Variants in DLG2 observed in about 807,000 individuals in gnomAD.
DLG2 encodes the protein discs large MAGUK scaffold protein 2.
In DLG2, 45 loss-of-function variants were observed where a neutral mutation model predicts 132.5. The observed-to-expected ratio is 0.34, with a 90% CI of 0.27 to 0.44. DLG2 has a LOEUF of 0.44. Among genes scored for constraint, DLG2 ranks in the 20% least tolerant of loss-of-function variants. DLG2 has a pLI of 1.00. For synonymous variants in DLG2, 424 were observed against 419.6 expected, an observed-to-expected ratio of 1.01 and a Z score of -0.13; for missense variants, 1,045 against 1,196.9, an observed-to-expected ratio of 0.87 and a Z score of 1.87.
At chr11:84,102,929 T>C (rs1351207433) in intron 9 of DLG2, among the ~76,000 whole-genome samples, 2 of 152,150 alleles carry the variant, frequency 1.3e-5, no homozygotes, top group Non-Finnish European at 2.9e-5. Flanking sequence ...TTTTCTAATA[T>C]ACATTCCCCT....
intron 21 of DLG2, among the ~76,000 whole-genome samples, chr11:83,490,342 AT>A (rs2093768997): frequency 6.6e-6 from 1 of 152,040 alleles, no homozygotes; most frequent in African/African-American, 2.4e-5. Flanking sequence ...AATTAAAAAA[AT>A]TTGAGTTCAC....
At chr11:84,061,673 T>C (rs1212501408) in intron 10 of DLG2, among the ~76,000 whole-genome samples, 1 of 152,192 alleles carries the variant, frequency 6.6e-6, no homozygotes, top group Non-Finnish European at 1.5e-5. Flanking sequence ...GTATCTGTTT[T>C]TGTGCATAAC....
At chr11:83,889,424 T>C (rs2068977042) in intron 15 of DLG2, among the ~76,000 whole-genome samples, 1 of 149,780 alleles carries the variant, frequency 6.7e-6, no homozygotes, top group African/African-American at 2.4e-5. Flanking sequence ...CTCACACCAG[T>C]TAGAATGCCA....
intron 6 of DLG2, among the ~76,000 whole-genome samples, chr11:84,916,173 G>A (rs1298004562): frequency 2.7e-5 from 4 of 150,872 alleles, no homozygotes; most frequent in Middle Eastern, 3.4e-3. Context: ...GTGAAACCCC[G>A]TCTCTACTAA....
rs148700251 is a variant in DLG2 at position 84,009,808 on chromosome 11, T to C, written c.920-29166A>G. ...ATTACATTTCATTCACTATGCCTTA[T>C]CTCATTTCATCTCATTAAAATAAAA... On this transcript the variant is annotated intron_variant, in intron 11 of 27. Transcript: ENST00000376104. 4.6e-5 allele frequency among the ~76,000 whole-genome samples: 7 copies of C among 152,246 alleles called. No homozygotes were observed. In the East Asian group the frequency reaches 1.4e-3, roughly 29 times the overall value.
At chr11:84,175,885 A>AT (rs1164742984) in intron 8 of DLG2, among the ~76,000 whole-genome samples, 1 of 152,130 alleles carries the variant, frequency 6.6e-6, no homozygotes, top group Non-Finnish European at 1.5e-5. Flanking sequence ...AAAGTACTTT[A>AT]GGACCATGAC....
chr11:85,493,954 G>A (rs1341622675), intron 3 of DLG2, among the ~76,000 whole-genome samples: 2 of 152,116 alleles, frequency 1.3e-5, no homozygotes, highest in Non-Finnish European at 2.9e-5. Flanking sequence ...TTCAGTGAGG[G>A]CTGCTCTATA....
chr11:84,333,861 G>T (rs1258904854), intron 7 of DLG2, among the ~76,000 whole-genome samples: 1 of 152,178 alleles, frequency 6.6e-6, no homozygotes, highest in East Asian at 1.9e-4. Context: ...AAGTGCCTGA[G>T]AATATTATTG....
chr11:83,804,208 CA>C (rs1370579968), intron 17 of DLG2, among the ~76,000 whole-genome samples: 2 of 152,120 alleles, frequency 1.3e-5, no homozygotes, highest in Non-Finnish European at 2.9e-5. Flanking sequence ...TTTGGGAAGT[CA>C]AAATCTTCCC....
chr11:84,633,313 TC>T (rs2099635290), intron 6 of DLG2, among the ~76,000 whole-genome samples: 1 of 152,188 alleles, frequency 6.6e-6, no homozygotes, highest in Admixed American at 6.5e-5. Flanking sequence ...ACATTTCATT[TC>T]AGCCACACTT....
chr11:85,209,350 A>G (rs2082101989), intron 4 of DLG2, among the ~76,000 whole-genome samples: 1 of 151,750 alleles, frequency 6.6e-6, no homozygotes, highest in Admixed American at 6.6e-5. Flanking sequence ...GGCTGGTACA[A>G]GAAGGCATCA....
intron 7 of DLG2, among the ~76,000 whole-genome samples, chr11:84,268,970 A>G (rs995371104): frequency 8.5e-5 from 13 of 152,180 alleles, no homozygotes; most frequent in Non-Finnish European, 1.8e-4. Context: ...AATGAATTAT[A>G]TTTTAAAACT....
intron 20 of DLG2, among the ~76,000 whole-genome samples, chr11:83,540,448 G>C (rs1241352442): frequency 1.3e-5 from 2 of 152,110 alleles, no homozygotes; most frequent in African/African-American, 2.4e-5. Flanking sequence ...CACTGGCATG[G>C]GGGAGGGAGA....
At chr11:84,257,075 G>A (rs548298899) in intron 7 of DLG2, among the ~76,000 whole-genome samples, 56 of 152,180 alleles carry the variant, frequency 3.7e-4, no homozygotes, top group African/African-American at 1.1e-3. Flanking sequence ...ATTAAGTACC[G>A]GATTAGATAT....
chr11:84,437,878 A>G (rs1337875005), intron 7 of DLG2: 1 of 152,504 alleles, frequency 6.6e-6, no homozygotes, highest in Non-Finnish European at 1.5e-5. Context: ...GGCAGTTACA[A>G]TCCTCGCTTT....
intron 21 of DLG2, among the ~76,000 whole-genome samples, chr11:83,530,620 T>C (rs1592588923): frequency 6.6e-6 from 1 of 151,982 alleles, no homozygotes; most frequent in Non-Finnish European, 1.5e-5. Flanking sequence ...AAAAAATCTA[T>C]ACAAGCCACA....
intron 12 of DLG2, among the ~76,000 whole-genome samples, chr11:83,971,894 T>A (rs1475480470): frequency 2.6e-5 from 4 of 152,126 alleles, no homozygotes; most frequent in Non-Finnish European, 5.9e-5. Flanking sequence ...ATAAAAGGCA[T>A]GTTAGTAATG....
intron 6 of DLG2, among the ~76,000 whole-genome samples, chr11:85,087,963 A>G (rs1011032175): frequency 1.3e-5 from 2 of 152,142 alleles, no homozygotes; most frequent in African/African-American, 4.8e-5. Context: ...AAGAAAGGAA[A>G]AAGGGCAAGA....
chr11:84,121,421 T>C (rs914978078), intron 9 of DLG2, among the ~76,000 whole-genome samples: 1 of 152,194 alleles, frequency 6.6e-6, no homozygotes, highest in Non-Finnish European at 1.5e-5. Flanking sequence ...TGGGTCCACA[T>C]TATACAGTAG....
Sources: allele counts gnomAD v4.1 joint callset (sites outside exome capture counted in the v4.1 genomes callset), GRCh38; gene constraint gnomAD v4.1.1; transcripts MANE v1.5; gene names NCBI Gene and HGNC (gene_info 2026-07-23, HGNC 2026-07-21).